Variants in CFAP299 observed in about 807,000 individuals in gnomAD.
CFAP299 encodes the protein cilia and flagella associated protein 299.
A neutral mutation model predicts 27.0 loss-of-function variants in CFAP299; 21 were observed. The observed-to-expected ratio is 0.78, with a 90% CI of 0.55 to 1.12. The LOEUF (loss-of-function observed/expected upper bound fraction) is 1.12, where lower values mean the gene tolerates loss of function less well. Ranked by LOEUF, CFAP299 falls within the 50% of genes most tolerant of loss-of-function variation. CFAP299 has a pLI of 0.00. For missense variants in CFAP299, 310 were observed against 276.6 expected, an observed-to-expected ratio of 1.12 and a Z score of -0.86; for synonymous variants, 104 against 98.1, an observed-to-expected ratio of 1.06 and a Z score of -0.36.
At chr4:80,681,432 A>T (rs1411037071) in intron 3 of CFAP299, among the ~76,000 whole-genome samples, 1 of 152,054 alleles carries the variant, frequency 6.6e-6, no homozygotes, top group Non-Finnish European at 1.5e-5. Context: ...AGAGGCAAAA[A>T]AAAAAACTGA....
intron 2 of CFAP299, among the ~76,000 whole-genome samples, chr4:80,498,046 A>C (rs1295356369): frequency 6.6e-6 from 1 of 152,184 alleles, no homozygotes; most frequent in East Asian, 1.9e-4. Flanking sequence ...AGCTATATGC[A>C]GAAGACTAAA....
At chr4:80,811,073 G>T (rs1036286834) in intron 3 of CFAP299, among the ~76,000 whole-genome samples, 1 of 152,008 alleles carries the variant, frequency 6.6e-6, no homozygotes, top group Non-Finnish European at 1.5e-5. Context: ...AGTAGTGTAG[G>T]TTATTATAAA....
chr4:80,369,467 T>C (rs1209233540), intron 2 of CFAP299, among the ~76,000 whole-genome samples: 1 of 152,234 alleles, frequency 6.6e-6, no homozygotes, highest in South Asian at 2.1e-4. Flanking sequence ...ACAAATGCCC[T>C]GAGGCCCTTA....
intron 3 of CFAP299, among the ~76,000 whole-genome samples, chr4:80,703,600 TA>T (rs1428702950): frequency 6.6e-6 from 1 of 151,598 alleles, no homozygotes; most frequent in African/African-American, 2.4e-5. Flanking sequence ...GATTGTGAGG[TA>T]TTTTTTTTTT....
At chr4:80,383,787 G>A (rs979621379) in intron 2 of CFAP299, among the ~76,000 whole-genome samples, 2 of 152,160 alleles carry the variant, frequency 1.3e-5, no homozygotes, top group Non-Finnish European at 2.9e-5. Flanking sequence ...TTAAATTGAT[G>A]TTAGCCATCA....
At chr4:80,415,417 A>G (rs996731587) in intron 2 of CFAP299, among the ~76,000 whole-genome samples, 1 of 152,222 alleles carries the variant, frequency 6.6e-6, no homozygotes, top group Non-Finnish European at 1.5e-5. Flanking sequence ...GTCAAGTACT[A>G]ATTTGTGTAT....
intron 1 of CFAP299, among the ~76,000 whole-genome samples, chr4:80,340,993 C>G (rs528755304): frequency 6.6e-6 from 1 of 152,150 alleles, no homozygotes; most frequent in Non-Finnish European, 1.5e-5. Context: ...TCAGGCTGGT[C>G]TTGAACTCCT....
intron 2 of CFAP299, among the ~76,000 whole-genome samples, chr4:80,391,577 ATTCTTAT>A (rs1055442992): frequency 6.6e-6 from 1 of 152,102 alleles, no homozygotes; most frequent in African/African-American, 2.4e-5. Context: ...AACCTGAAAA[ATTCTTAT>A]TTCTTGGTGA....
At chr4:80,958,113 G>A (rs1979747) in intron 5 of CFAP299, among the ~76,000 whole-genome samples, 139,012 of 152,132 alleles carry the variant, frequency 0.91, 64,699 homozygotes, top group East Asian at 1. Context: ...GATTTCACCT[G>A]TAAAACCTGT....
At chr4:80,641,306 G>C (rs1327849204) in intron 3 of CFAP299, among the ~76,000 whole-genome samples, 1 of 152,124 alleles carries the variant, frequency 6.6e-6, no homozygotes, top group Non-Finnish European at 1.5e-5. Flanking sequence ...CCGGGTTCAA[G>C]TGATTCTCCT....
intron 2 of CFAP299, among the ~76,000 whole-genome samples, chr4:80,482,308 T>G (rs1730603886): frequency 6.6e-6 from 1 of 152,038 alleles, no homozygotes; most frequent in Admixed American, 6.6e-5. Context: ...CAGAGTGAAA[T>G]ATTGTCACTT....
chr4:80,770,948 C>G (rs6839337), intron 3 of CFAP299, among the ~76,000 whole-genome samples: 17,549 of 152,200 alleles, frequency 0.12, 1,354 homozygotes, highest in African/African-American at 0.21. Flanking sequence ...AAGGGTTCAG[C>G]TAGTTAGGTC....
intron 2 of CFAP299, among the ~76,000 whole-genome samples, chr4:80,541,884 G>A (rs530556242): frequency 6.6e-6 from 1 of 151,984 alleles, no homozygotes; most frequent in South Asian, 2.1e-4. Context: ...CATAGTACTA[G>A]GCCATTATTG....
chr4:80,692,403 T>G (rs1015515690), intron 3 of CFAP299, among the ~76,000 whole-genome samples: 9 of 152,140 alleles, frequency 5.9e-5, no homozygotes, highest in African/African-American at 1.9e-4. Context: ...TATCTACAAC[T>G]ATCTGATCTT....
chr4:80,471,578 G>C (rs1169485329), intron 2 of CFAP299, among the ~76,000 whole-genome samples: 2 of 120,740 alleles, frequency 1.7e-5, no homozygotes, highest in African/African-American at 6.1e-5. Flanking sequence ...GGGCGGGGGT[G>C]GGGGTGGGGG....
the CFAP299 span, among the ~76,000 whole-genome samples, chr4:80,322,790 C>T: frequency 6.6e-6 from 1 of 152,094 alleles, no homozygotes; most frequent in African/African-American, 2.4e-5. Context: ...GGTAGACTGC[C>T]AGGGAAGTTT....
chr4:80,650,116 A>G (rs1282132058), intron 3 of CFAP299, among the ~76,000 whole-genome samples: 4 of 152,088 alleles, frequency 2.6e-5, no homozygotes, highest in Non-Finnish European at 5.9e-5. Context: ...TACCGTTTAT[A>G]TGTAGAATTA....
chr4:80,916,587 A>G (rs566614971), intron 4 of CFAP299, among the ~76,000 whole-genome samples: 64 of 152,078 alleles, frequency 4.2e-4, no homozygotes, highest in Middle Eastern at 3.4e-3. Flanking sequence ...ACTCTGGCTG[A>G]TAGGAAACTT....
chr4:80,756,179 T>A (rs1725229995), intron 3 of CFAP299, among the ~76,000 whole-genome samples: 1 of 152,134 alleles, frequency 6.6e-6, no homozygotes, highest in Admixed American at 6.6e-5. Context: ...TTTTGCTGAT[T>A]TTATTTTTAA....
Sources: gnomAD v4.1 joint callset for allele counts (sites outside exome capture counted in the v4.1 genomes callset) on GRCh38, gnomAD v4.1.1 for gene constraint, MANE v1.5 for transcripts, NCBI Gene and HGNC (gene_info 2026-07-23, HGNC 2026-07-21) for gene names.